The following SDK2 variants were observed in gnomAD, a reference collection of about 807,000 sequenced individuals.
The protein encoded by SDK2 is protein sidekick-2.
In SDK2, 105 loss-of-function variants were observed where a neutral mutation model predicts 253.9. The ratio of observed to expected loss-of-function variants is 0.41; its 90% CI spans 0.35 to 0.49. SDK2 has a LOEUF of 0.49. Among genes scored for constraint, SDK2 ranks in the 20% least tolerant of loss-of-function variants. The probability of loss-of-function intolerance (pLI) is 0.06; values close to 1 mark genes in which losing one functional copy is unlikely to be tolerated. For synonymous variants in SDK2, 1,249 were observed against 1,234.9 expected, an observed-to-expected ratio of 1.01 and a Z score of -0.24; for missense variants, 2,608 against 3,003.0, an observed-to-expected ratio of 0.87 and a Z score of 3.07.
chr17:73,591,858 G>A (rs558380241), intron 1 of SDK2, among the ~76,000 whole-genome samples: 67 of 152,258 alleles, frequency 4.4e-4, no homozygotes, highest in African/African-American at 1.4e-3. Flanking sequence ...CTGTCAGGAA[G>A]CCTCCTCATC....
chr17:73,462,516 A>T (rs2063570977), intron 3 of SDK2, among the ~76,000 whole-genome samples: 1 of 152,014 alleles, frequency 6.6e-6, no homozygotes, highest in Admixed American at 6.5e-5. Flanking sequence ...GTATGGATGC[A>T]TGTGTGGTGG....
At position 73,348,650 on chromosome 17, in the gene SDK2, A is replaced by G. The variant is rs547010993; in HGVS notation, c.6114T>C (p.Pro2038=). 8 of 1,613,056 alleles carry G rather than the reference A, an allele frequency of 5.0e-6. 1 individual carries two copies. Among genetic ancestry groups the G allele is most frequent in the Middle Eastern group, 3.3e-4 (2 of 6,062 alleles). Residue 2038 remains proline (P), a synonymous_variant, in exon 44 of 45, where the codon CCT becomes CCC. Coordinates refer to ENST00000392650, the MANE Select transcript of SDK2 (RefSeq NM_001144952.2). ...EDVTKYNDLI[P]AESSSLTEKP... ...TCTCCGTCAGGCTGCTGCTCTCTGC[A>G]GGGATGAGGTCGTTGTATTTGGTGA... is the stretch of plus-strand genomic sequence containing the variant.
At chr17:73,522,359 C>A (rs1368282876) in intron 1 of SDK2, among the ~76,000 whole-genome samples, 1 of 152,210 alleles carries the variant, frequency 6.6e-6, no homozygotes. Context: ...GGTGGCATTC[C>A]CAGACAACAG....
At chr17:73,552,093 TC>T (rs1367784586) in intron 1 of SDK2, among the ~76,000 whole-genome samples, 1 of 151,862 alleles carries the variant, frequency 6.6e-6, no homozygotes, top group African/African-American at 2.4e-5. Flanking sequence ...GGCCAGCCTG[TC>T]CCCCCTGTCT....
chr17:73,544,441 A>G (rs954171816), intron 1 of SDK2, among the ~76,000 whole-genome samples: 2 of 152,218 alleles, frequency 1.3e-5, no homozygotes, highest in African/African-American at 2.4e-5. Flanking sequence ...AAAGTCTGCA[A>G]TGGGATCTGG....
chr17:73,537,483 G>A (rs1033041512), intron 1 of SDK2, among the ~76,000 whole-genome samples: 4 of 152,128 alleles, frequency 2.6e-5, no homozygotes, highest in African/African-American at 7.2e-5. Flanking sequence ...CAGCTCATAA[G>A]GGCTCCTTTC....
In SDK2 at chr17:73,483,677, A is replaced by T. The variant is rs866463788; in HGVS notation, c.225-11459T>A. On this transcript the variant is annotated intron_variant, in intron 2 of 44. Transcript: ENST00000392650. ...TGTGTGTGTGTATATATATATATAT[A>T]TATATTTATATATATATATATATAT... Among the ~76,000 whole-genome samples, 16 of 63,428 alleles carry T rather than the reference A, an allele frequency of 2.5e-4. 2 individuals are homozygous for T. The highest frequency in any genetic ancestry group is 1.1e-3 in the African/African-American group (15 of 13,326). The allele number at this position is 63,428 out of a possible 152,430, so 41.6% of individuals were successfully genotyped here.
intron 27 of SDK2, among the ~76,000 whole-genome samples, chr17:73,391,939 C>G (rs554725976): frequency 8.3e-6 from 1 of 121,030 alleles, no homozygotes; most frequent in African/African-American, 3.7e-5. Context: ...AAATGCCCAC[C>G]CCCAGCCTGC....
chr17:73,368,449 C>G lies in SDK2; in HGVS notation c.5125G>C (p.Gly1709Arg), dbSNP rs1337535166. 3.1e-6 allele frequency: 5 copies of G among 1,602,878 alleles called. No individual in the cohort carries two copies. Residue 1709 changes from glycine (G) to arginine (R), a missense_variant, in exon 37 of 45, where the codon GGG becomes CGG. Gly to Arg is a moderately radical substitution (Grantham distance 125, BLOSUM62 -2). Transcript: ENST00000392650. ...CCTTGGGTGGGGGTGCTCCGAGGCC[C>G]ATCCCCAGCGGCGTTGAAGGCGGCC... is the stretch of plus-strand genomic sequence containing the variant. ...SVAAFNAAGD[G>R]PRSTPTQGQT...
intron 32 of SDK2, among the ~76,000 whole-genome samples, chr17:73,384,614 T>C (rs891756362): frequency 2.0e-5 from 3 of 152,172 alleles, no homozygotes; most frequent in Non-Finnish European, 4.4e-5. Context: ...TTATGAAGAA[T>C]GGTCTGACCA....
At chr17:73,429,301 A>T (rs1390841557) in intron 12 of SDK2, among the ~76,000 whole-genome samples, 3 of 152,212 alleles carry the variant, frequency 2.0e-5, no homozygotes, top group Non-Finnish European at 2.9e-5. Context: ...TAAACCCAGA[A>T]ATAAGCATAT....
At chr17:73,392,085 C>T (rs2062933062) in intron 27 of SDK2, among the ~76,000 whole-genome samples, 1 of 152,074 alleles carries the variant, frequency 6.6e-6, no homozygotes, top group Non-Finnish European at 1.5e-5. Context: ...GTAGGCTATG[C>T]ACCCCTGGCT....
intron 4 of SDK2, among the ~76,000 whole-genome samples, chr17:73,454,816 G>A (rs1297338700): frequency 6.6e-6 from 1 of 152,166 alleles, no homozygotes; most frequent in East Asian, 1.9e-4. Context: ...CGATTCTCCT[G>A]CCTCAGCCTC....
At chr17:73,535,699 G>C (rs374425981) in intron 1 of SDK2, among the ~76,000 whole-genome samples, 11 of 152,326 alleles carry the variant, frequency 7.2e-5, no homozygotes, top group African/African-American at 2.4e-4. Flanking sequence ...GAGGCACACA[G>C]TGAGCACCGG....
rs139535646 is a variant in SDK2, at chr17:73,368,438, G to A, written c.5136C>T (p.Ser1712=). 8,605 of 1,593,352 alleles carry A rather than the reference G, an allele frequency of 5.4e-3. 38 individuals are homozygous for A. Among genetic ancestry groups the A allele is most frequent in the Non-Finnish European group, 6.5e-3 (7,658 of 1,170,438 alleles). The change falls in exon 37 of 45, where the codon AGC becomes AGT. Residue 1712 remains serine, a synonymous_variant. Transcript: ENST00000392650. ...AFNAAGDGPR[S]TPTQGQTQQA... ...GCTGGGTCTGGCCTTGGGTGGGGGT[G>A]CTCCGAGGCCCATCCCCAGCGGCGT...
Position 73,624,619 on chromosome 17 carries a change from G to A in SDK2, c.64+19406C>T, listed in dbSNP as rs1390358502. Among the ~76,000 whole-genome samples, 3 of 152,298 alleles carry A rather than the reference G, an allele frequency of 2.0e-5. No individual in the cohort carries two copies. In the East Asian group the frequency reaches 5.8e-4, roughly 29 times the overall value. The stretch of plus-strand genomic sequence containing the variant: ...GAATTTAATGTGCATGCCGCACCTG[G>A]GGAATCTTAAAATGCAGATTCTGAT... On this transcript the variant is annotated intron_variant, in intron 1 of 44. Coordinates refer to ENST00000392650, the MANE Select transcript of SDK2 (RefSeq NM_001144952.2).
intron 5 of SDK2, among the ~76,000 whole-genome samples, chr17:73,445,327 T>A (rs1260194230): frequency 1.3e-5 from 2 of 152,190 alleles, no homozygotes; most frequent in Non-Finnish European, 2.9e-5. Flanking sequence ...GGTAAAAAAA[T>A]GGGGCTACTG....
intron 5 of SDK2, among the ~76,000 whole-genome samples, chr17:73,444,041 A>G (rs1224354354): frequency 2.0e-5 from 3 of 152,124 alleles, no homozygotes; most frequent in African/African-American, 7.2e-5. Flanking sequence ...GGAAGGGGGC[A>G]GCTAAGCTGG....
At chr17:73,493,877 A>G (rs2063824102) in intron 2 of SDK2, among the ~76,000 whole-genome samples, 1 of 151,942 alleles carries the variant, frequency 6.6e-6, no homozygotes, top group South Asian at 2.1e-4. Context: ...AGAGCTCCAC[A>G]GTTTCATAGA....
Sources: allele counts gnomAD v4.1 joint callset (sites outside exome capture counted in the v4.1 genomes callset), GRCh38; gene constraint gnomAD v4.1.1; transcripts MANE v1.5; gene names NCBI Gene and HGNC (gene_info 2026-07-23, HGNC 2026-07-21).